The following LIN28B variants were observed in gnomAD, a reference collection of about 807,000 sequenced individuals.
LIN28B encodes protein lin-28 homolog B.
Under a neutral mutation model 21.9 loss-of-function variants are expected in LIN28B, and 5 were observed. That is an observed-to-expected ratio of 0.23 (90% CI 0.12 to 0.48). LIN28B has a LOEUF of 0.48. LIN28B is among the 20% of genes least tolerant of loss of function. The pLI, the probability that LIN28B is intolerant of heterozygous loss-of-function variation, is 0.98. For synonymous variants in LIN28B, 109 were observed against 111.3 expected, an observed-to-expected ratio of 0.98 and a Z score of 0.13; for missense variants, 245 against 310.5, an observed-to-expected ratio of 0.79 and a Z score of 1.58.
intron 2 of LIN28B, among the ~76,000 whole-genome samples, chr6:104,981,134 T>C (rs548774420): frequency 3.3e-5 from 5 of 152,336 alleles, no homozygotes; most frequent in South Asian, 4.1e-4. Context: ...TTGTGTGTGC[T>C]ATCATTTCCC....
intron 3 of LIN28B, among the ~76,000 whole-genome samples, chr6:105,027,888 A>G (rs1351152356): frequency 6.6e-6 from 1 of 152,078 alleles, no homozygotes; most frequent in Non-Finnish European, 1.5e-5. Context: ...CCTATTTCAT[A>G]TTTTCCTATT....
At chr6:105,074,785 AG>A (rs1465390094) in intron 3 of LIN28B, among the ~76,000 whole-genome samples, 1 of 152,178 alleles carries the variant, frequency 6.6e-6, no homozygotes, top group Admixed American at 6.5e-5. Context: ...GGCTCACTGC[AG>A]CCTCTGCCTC....
intron 2 of LIN28B, among the ~76,000 whole-genome samples, chr6:105,020,571 G>A (rs991359604): frequency 1.3e-5 from 2 of 150,632 alleles, no homozygotes; most frequent in Admixed American, 6.6e-5. Flanking sequence ...TACCTCCCTC[G>A]GCCTCCCAAA....
intron 2 of LIN28B, among the ~76,000 whole-genome samples, chr6:105,018,859 A>G (rs1292654434): frequency 6.6e-6 from 1 of 151,936 alleles, no homozygotes; most frequent in African/African-American, 2.4e-5. Context: ...TTGATGTTAT[A>G]TTGTCTCAAA....
intron 2 of LIN28B, among the ~76,000 whole-genome samples, chr6:105,003,730 G>A (rs180928899): frequency 2.2e-3 from 328 of 152,138 alleles, no homozygotes; most frequent in Admixed American, 3.9e-3. Context: ...AGCCAGGCTG[G>A]TCTCAAACTC....
chr6:104,988,696 G>A (rs1001495605), intron 2 of LIN28B, among the ~76,000 whole-genome samples: 7 of 150,736 alleles, frequency 4.6e-5, no homozygotes, highest in Middle Eastern at 3.4e-3. Context: ...CTCCGCCTCC[G>A]CTTTGCGAGT....
chr6:105,056,790 AT>A (rs766082151), intron 3 of LIN28B, among the ~76,000 whole-genome samples: 34 of 152,250 alleles, frequency 2.2e-4, no homozygotes, highest in South Asian at 1.9e-3. Flanking sequence ...GCTGAAATTT[AT>A]GCCTTTATGG....
At chr6:105,076,984 C>T (rs1772439210) in intron 3 of LIN28B, among the ~76,000 whole-genome samples, 1 of 151,878 alleles carries the variant, frequency 6.6e-6, no homozygotes, top group Non-Finnish European at 1.5e-5. Context: ...AATCCCAGCA[C>T]TTTGGGAGGA....
At chr6:104,984,329 C>T (rs1582878494) in intron 2 of LIN28B, among the ~76,000 whole-genome samples, 1 of 152,156 alleles carries the variant, frequency 6.6e-6, no homozygotes, top group African/African-American at 2.4e-5. Flanking sequence ...AATAAACATA[C>T]AGTAGTCATT....
chr6:104,973,269 A>C (rs1346715903), intron 2 of LIN28B, among the ~76,000 whole-genome samples: 1 of 152,152 alleles, frequency 6.6e-6, no homozygotes, highest in African/African-American at 2.4e-5. Context: ...TTGATATTTA[A>C]TGTTGAATAT....
intron 2 of LIN28B, among the ~76,000 whole-genome samples, chr6:104,969,472 C>A (rs1769930066): frequency 1.3e-5 from 2 of 152,124 alleles, no homozygotes; most frequent in Non-Finnish European, 1.5e-5. Context: ...AAAAGCCCCA[C>A]AAACAACTCT....
intron 3 of LIN28B, among the ~76,000 whole-genome samples, chr6:105,049,803 T>C (rs931623139): frequency 2.6e-5 from 4 of 152,196 alleles, no homozygotes; most frequent in Non-Finnish European, 5.9e-5. Context: ...AAGTCTGTTT[T>C]ATCAGAGACA....
chr6:104,959,420 A>C (rs1206957484), intron 2 of LIN28B, among the ~76,000 whole-genome samples: 1 of 152,226 alleles, frequency 6.6e-6, no homozygotes, highest in African/African-American at 2.4e-5. Flanking sequence ...AGTAATATTT[A>C]TACCCCCTTC....
At chr6:104,968,927 A>G (rs1389521580) in intron 2 of LIN28B, among the ~76,000 whole-genome samples, 16 of 152,202 alleles carry the variant, frequency 1.1e-4, no homozygotes, top group Admixed American at 1.0e-3. Flanking sequence ...GGAATGAATT[A>G]TATCAACTTT....
At chr6:105,053,610 C>G (rs1037086687) in intron 3 of LIN28B, among the ~76,000 whole-genome samples, 1 of 151,740 alleles carries the variant, frequency 6.6e-6, no homozygotes, top group African/African-American at 2.4e-5. Flanking sequence ...TATGAAATGT[C>G]CCACCTCCCT....
intron 2 of LIN28B, among the ~76,000 whole-genome samples, chr6:105,010,996 A>G (rs778584385): frequency 2.0e-4 from 31 of 152,268 alleles, no homozygotes; most frequent in Middle Eastern, 3.4e-3. Context: ...TTTACTTGCT[A>G]TTGTTGGGAG....
At chr6:104,960,469 A>G (rs573059718) in intron 2 of LIN28B, among the ~76,000 whole-genome samples, 1 of 152,088 alleles carries the variant, frequency 6.6e-6, no homozygotes, top group Non-Finnish European at 1.5e-5. Context: ...TTTTATGTCT[A>G]TGTACTATTT....
chr6:104,982,689 T>C (rs1025672372), intron 2 of LIN28B, among the ~76,000 whole-genome samples: 3 of 152,236 alleles, frequency 2.0e-5, no homozygotes, highest in Admixed American at 2.0e-4. Context: ...TGGGAAATTA[T>C]TGGCTGACGG....
chr6:105,024,970 A>C (rs1183128072), intron 2 of LIN28B, among the ~76,000 whole-genome samples: 1 of 152,118 alleles, frequency 6.6e-6, no homozygotes, highest in Non-Finnish European at 1.5e-5. Flanking sequence ...GGAGTTGGGG[A>C]GGTGAGAACA....
Sources: allele counts gnomAD v4.1 joint callset (sites outside exome capture counted in the v4.1 genomes callset), GRCh38; gene constraint gnomAD v4.1.1; transcripts MANE v1.5; gene names NCBI Gene and HGNC (gene_info 2026-07-23, HGNC 2026-07-21).